TEAD1: variants seen among roughly 807,000 people sequenced by gnomAD.
The protein encoded by TEAD1 is transcriptional enhancer factor TEF-1.
A neutral mutation model predicts 54.9 loss-of-function variants in TEAD1; 9 were observed. The ratio of observed to expected loss-of-function variants is 0.16; its 90% confidence interval spans 0.10 to 0.29. The LOEUF (loss-of-function observed/expected upper bound fraction) is 0.29, where lower values mean the gene tolerates loss of function less well. Among genes scored for constraint, TEAD1 ranks in the 10% least tolerant of loss-of-function variants. TEAD1 has a pLI of 1.00. For synonymous variants in TEAD1, 200 were observed against 187.8 expected (o/e 1.07, Z -0.53); for missense variants, 387 against 535.9 (o/e 0.72, Z 2.74).
chr11:12,861,065 A>G (rs910032820), intron 3 of TEAD1, among the ~76,000 whole-genome samples: 2 of 152,266 alleles, frequency 1.3e-5, no homozygotes, highest in Non-Finnish European at 1.5e-5. Context: ...AGCCAACAGT[A>G]GTGCTATGAA....
At chr11:12,723,719 AAAATG>A in intron 2 of TEAD1, among the ~76,000 whole-genome samples, 2 of 152,338 alleles carry the variant, frequency 1.3e-5, no homozygotes. Context: ...TTCAACTTAT[AAAATG>A]TAGGTTGCCT....
At chr11:12,880,252 G>A (rs1947939282) in intron 6 of TEAD1, among the ~76,000 whole-genome samples, 1 of 152,110 alleles carries the variant, frequency 6.6e-6, no homozygotes. Context: ...AAGGGACAAG[G>A]TATTCTATTA....
chr11:12,933,573 C>T (rs1381785447), intron 12 of TEAD1, among the ~76,000 whole-genome samples: 4 of 151,768 alleles, frequency 2.6e-5, no homozygotes, highest in East Asian at 1.9e-4. Flanking sequence ...TGTCTTTTTT[C>T]GTCCCCAAAT....
chr11:12,759,370 CA>C (rs1945055635), intron 2 of TEAD1, among the ~76,000 whole-genome samples: 1 of 147,626 alleles, frequency 6.8e-6, no homozygotes, highest in Admixed American at 6.6e-5. Context: ...TTTGAAGCCT[CA>C]GTAGGTTATA....
intron 3 of TEAD1, chr11:12,849,396 G>GT (rs1181663405): frequency 2.0e-5 from 3 of 152,086 alleles, no homozygotes; most frequent in Non-Finnish European, 2.9e-5. Flanking sequence ...CCGCAATAGT[G>GT]TTTCATTTAG....
In TEAD1 at chr11:12,720,750, T is replaced by C. The variant is rs75001789; in HGVS notation, c.-54-43429T>C. ...AGCCCATTTGCTTCTGAAGTGTTTG[T>C]TGCTGCTGATAATTTGAAGAATGGC... On this transcript the variant is annotated intron_variant, in intron 2 of 12. Transcript: ENST00000527636. 5.3e-3 allele frequency among the ~76,000 whole-genome samples: 811 copies of C among 152,342 alleles called. 5 individuals are homozygous for C. Among genetic ancestry groups the C allele is most frequent in the Non-Finnish European group, 8.9e-3 (606 of 68,020 alleles).
At chr11:12,817,177 C>T (rs1056302335) in intron 3 of TEAD1, among the ~76,000 whole-genome samples, 2 of 152,168 alleles carry the variant, frequency 1.3e-5, no homozygotes, top group South Asian at 2.1e-4. Flanking sequence ...TATTATCTCA[C>T]GCCTTTAAAG....
intron 2 of TEAD1, among the ~76,000 whole-genome samples, chr11:12,704,822 G>C (rs181927225): frequency 1.3e-5 from 2 of 152,340 alleles, no homozygotes; most frequent in African/African-American, 2.4e-5. Context: ...TTTATTCATA[G>C]AACTGGGTCT....
intron 3 of TEAD1, chr11:12,851,086 G>A (rs1947264288): frequency 1.0e-6 from 1 of 983,932 alleles, no homozygotes; most frequent in Non-Finnish European, 1.2e-6. Context: ...CAAAAGAGGT[G>A]AGCTCCTTCA....
chr11:12,676,533 T>C (rs545945405), intron 2 of TEAD1, among the ~76,000 whole-genome samples: 1 of 152,372 alleles, frequency 6.6e-6, no homozygotes, highest in African/African-American at 2.4e-5. Context: ...CAGCAGGGTC[T>C]TCGGGTCCAA....
intron 10 of TEAD1, among the ~76,000 whole-genome samples, chr11:12,919,637 G>A (rs1394905024): frequency 6.6e-6 from 1 of 151,544 alleles, no homozygotes; most frequent in Non-Finnish European, 1.5e-5. Flanking sequence ...GGGACTACAG[G>A]CACATGCCAC....
chr11:12,869,481 A>C (rs912745253), intron 5 of TEAD1, among the ~76,000 whole-genome samples: 1 of 152,240 alleles, frequency 6.6e-6, no homozygotes, highest in Admixed American at 6.5e-5. Context: ...GTTGTGTGCC[A>C]GAACTTTTCA....
chr11:12,809,229 C>T (rs553495275), intron 3 of TEAD1, among the ~76,000 whole-genome samples: 2 of 152,320 alleles, frequency 1.3e-5, no homozygotes, highest in African/African-American at 4.8e-5. Context: ...CGGGGCCACT[C>T]ACAGTCTAGC....
chr11:12,687,145 A>ATC (rs1943350850), intron 2 of TEAD1, among the ~76,000 whole-genome samples: 1 of 152,206 alleles, frequency 6.6e-6, no homozygotes, highest in Non-Finnish European at 1.5e-5. Flanking sequence ...TCTTTGGTTT[A>ATC]TCTTTCTGGG....
intron 10 of TEAD1, among the ~76,000 whole-genome samples, chr11:12,917,749 C>T (rs750323562): frequency 1.4e-4 from 22 of 152,142 alleles, no homozygotes; most frequent in Non-Finnish European, 2.9e-4. Flanking sequence ...TTCAGCTTAG[C>T]GTTTAGGGTC....
At chr11:12,749,751 G>A (rs73423612) in intron 2 of TEAD1, among the ~76,000 whole-genome samples, 2,590 of 152,312 alleles carry the variant, frequency 0.017, 75 homozygotes, top group African/African-American at 0.06. Context: ...GCCCACAGCA[G>A]GTGCTCCAGT....
At chr11:12,715,802 TAATA>T (rs1418744652) in intron 2 of TEAD1, among the ~76,000 whole-genome samples, 1 of 152,134 alleles carries the variant, frequency 6.6e-6, no homozygotes, top group Non-Finnish European at 1.5e-5. Flanking sequence ...AAATTTATAC[TAATA>T]AATTAATTTG....
chr11:12,686,439 G>A (rs937670862), intron 2 of TEAD1, among the ~76,000 whole-genome samples: 2 of 152,054 alleles, frequency 1.3e-5, no homozygotes, highest in Non-Finnish European at 2.9e-5. Context: ...TCTTTTCTGT[G>A]GATGCACTCA....
intron 4 of TEAD1, among the ~76,000 whole-genome samples, chr11:12,863,037 A>G (rs1947539682): frequency 2.0e-5 from 3 of 152,212 alleles, no homozygotes; most frequent in Admixed American, 2.0e-4. Flanking sequence ...GGAAAAAAAA[A>G]ACCCTAAAAA....
Sources: gnomAD v4.1 joint callset for allele counts (sites outside exome capture counted in the v4.1 genomes callset) on GRCh38, gnomAD v4.1.1 for gene constraint, MANE v1.5 for transcripts, NCBI Gene and HGNC (gene_info 2026-07-23, HGNC 2026-07-21) for gene names.